Variants in PSD3 observed in about 807,000 individuals in gnomAD.
PSD3 encodes PH and SEC7 domain-containing protein 3.
PSD3 carries 49 observed loss-of-function variants against 105.5 expected under a neutral mutation model. The observed-to-expected ratio is 0.46, with a 90% CI of 0.37 to 0.59. PSD3 has a LOEUF of 0.59. Ranked by LOEUF, PSD3 falls within the 20% of genes least tolerant of loss-of-function variation. PSD3 has a pLI of 0.00. For missense variants in PSD3, 1,561 were observed against 1,263.8 expected, an observed-to-expected ratio of 1.24 and a Z score of -3.57; for synonymous variants, 557 against 457.8, an observed-to-expected ratio of 1.22 and a Z score of -2.77.
chr8:18,821,225 A>T (rs1001522834), intron 4 of PSD3, among the ~76,000 whole-genome samples: 3 of 151,890 alleles, frequency 2.0e-5, no homozygotes, highest in African/African-American at 7.3e-5. Flanking sequence ...CAATTCCTCA[A>T]ACAAGACCAT....
At chr8:18,856,594 A>C (rs896220151) in intron 4 of PSD3, among the ~76,000 whole-genome samples, 2 of 152,212 alleles carry the variant, frequency 1.3e-5, no homozygotes, top group Non-Finnish European at 2.9e-5. Flanking sequence ...TATTTTCTCT[A>C]TACTAAAGAC....
At chr8:18,967,175 G>A (rs910471320) in intron 1 of PSD3, among the ~76,000 whole-genome samples, 5 of 144,974 alleles carry the variant, frequency 3.4e-5, no homozygotes, top group Non-Finnish European at 7.5e-5. Context: ...TTTTTTTTGA[G>A]ACGGAGTTTC....
intron 1 of PSD3, among the ~76,000 whole-genome samples, chr8:19,036,305 G>A (rs1481963730): frequency 2.0e-5 from 3 of 152,026 alleles, no homozygotes; most frequent in East Asian, 1.9e-4. Context: ...AAAAACAGCT[G>A]CTTACCAGGA....
intron 9 of PSD3, among the ~76,000 whole-genome samples, chr8:18,760,179 A>G (rs1806402378): frequency 1.3e-5 from 2 of 152,124 alleles, no homozygotes; most frequent in Non-Finnish European, 2.9e-5. Context: ...TGCACAATGC[A>G]GTATTTTGAG....
intron 6 of PSD3, among the ~76,000 whole-genome samples, chr8:18,803,767 G>A (rs961447722): frequency 6.6e-6 from 1 of 151,400 alleles, no homozygotes; most frequent in Non-Finnish European, 1.5e-5. Context: ...GCCAGGGGCT[G>A]GGGGAAAGGA....
intron 4 of PSD3, among the ~76,000 whole-genome samples, chr8:18,837,440 G>A (rs1005499369): frequency 6.6e-6 from 1 of 152,172 alleles, no homozygotes; most frequent in Non-Finnish European, 1.5e-5. Flanking sequence ...CCAAGCTCAA[G>A]AGGAGTAGGA....
chr8:18,656,584 TA>T (rs1016187321), intron 9 of PSD3, among the ~76,000 whole-genome samples: 5 of 152,260 alleles, frequency 3.3e-5, no homozygotes, highest in African/African-American at 1.2e-4. Context: ...GCAGATTGGA[TA>T]AAAAACTTCT....
At chr8:18,930,040 C>T (rs1461735045) in intron 2 of PSD3, among the ~76,000 whole-genome samples, 1 of 152,114 alleles carries the variant, frequency 6.6e-6, no homozygotes, top group Non-Finnish European at 1.5e-5. Flanking sequence ...AGAACCAACA[C>T]CTATCTAATA....
chr8:18,979,919 G>A (rs1219940934), intron 1 of PSD3: 2 of 152,124 alleles, frequency 1.3e-5, no homozygotes, highest in African/African-American at 2.4e-5. Context: ...TTGAAAGGTG[G>A]AACAGTATCC....
intron 4 of PSD3, among the ~76,000 whole-genome samples, chr8:18,842,276 C>T (rs1248948714): frequency 1.3e-5 from 2 of 152,212 alleles, no homozygotes; most frequent in Non-Finnish European, 2.9e-5. Context: ...CTGAAGACTG[C>T]ACAGTTCCAA....
At chr8:19,070,629 G>C (rs1469624069) in intron 1 of PSD3, among the ~76,000 whole-genome samples, 1 of 152,170 alleles carries the variant, frequency 6.6e-6, no homozygotes, top group Non-Finnish European at 1.5e-5. Flanking sequence ...AGTGAGCTGA[G>C]ATCGTGCCAC....
intron 12 of PSD3, among the ~76,000 whole-genome samples, chr8:18,588,914 AC>A (rs1401625464): frequency 5.3e-5 from 8 of 152,090 alleles, no homozygotes; most frequent in Non-Finnish European, 1.2e-4. Context: ...TCCCAGGCCC[AC>A]CCTGAGATGG....
intron 9 of PSD3, among the ~76,000 whole-genome samples, chr8:18,694,992 G>A (rs564757870): frequency 3.2e-4 from 49 of 152,182 alleles, no homozygotes; most frequent in South Asian, 1.0e-3. Context: ...ACAATAAATG[G>A]ATAGGAAAAA....
chr8:19,004,067 A>G (rs531389801), intron 1 of PSD3, among the ~76,000 whole-genome samples: 1 of 152,076 alleles, frequency 6.6e-6, no homozygotes, highest in South Asian at 2.1e-4. Flanking sequence ...TTCTTGACAG[A>G]CAAGTTTGGG....
At chr8:18,698,814 G>T (rs1801409027) in intron 9 of PSD3, among the ~76,000 whole-genome samples, 1 of 152,188 alleles carries the variant, frequency 6.6e-6, no homozygotes, top group African/African-American at 2.4e-5. Context: ...TTAGGATTAA[G>T]GAGTTCTGTG....
At chr8:18,878,002 C>T (rs1404569286) in intron 2 of PSD3, among the ~76,000 whole-genome samples, 4 of 152,142 alleles carry the variant, frequency 2.6e-5, no homozygotes, top group Admixed American at 2.0e-4. Context: ...AGAATCAACT[C>T]GTCAGAAAGC....
intron 12 of PSD3, among the ~76,000 whole-genome samples, chr8:18,587,840 T>A (rs1299547911): frequency 6.6e-6 from 1 of 152,190 alleles, no homozygotes; most frequent in African/African-American, 2.4e-5. Context: ...ATAAATAGCT[T>A]TGGGAGGATA....
In PSD3 at chr8:18,801,323, A is replaced by G; in HGVS notation, c.1970T>C (p.Ile657Thr). 4 of 1,608,682 alleles carry G rather than the reference A, an allele frequency of 2.5e-6. No individual in the cohort carries two copies. The highest frequency in any genetic ancestry group is 2.2e-5 in the South Asian group (2 of 90,696). Reference sequence around the variant, plus strand: ...ATAAAAATATCTATTGGAGAAGTGTATTAAAACTCTCTCTCGTTCTTGAGT... The same window carrying G: ...ATAAAAATATCTATTGGAGAAGTGTGTTAAAACTCTCTCTCGTTCTTGAGT... ...GETQERERVL[I>T]HFSNRYFYCN... The change falls in exon 7 of 16, where the codon ATA (isoleucine) becomes ACA (threonine). Residue 657 changes from isoleucine to threonine, a missense_variant. Physicochemically the swap from Ile to Thr is moderately conservative, Grantham distance 89. Coordinates refer to ENST00000327040, the MANE Select transcript of PSD3 (RefSeq NM_015310.4).
At position 19,019,830 on chromosome 8, in the gene PSD3, G is replaced by C. The variant is rs141771619; in HGVS notation, c.324+64376C>G. ...CTGAGTGTATGCTGGGTGGGTGAGA[G>C]GGATGGGAGACAAGAAGGAAAGAGC... On this transcript the variant is annotated intron_variant, in intron 1 of 1. Coordinates refer to the PSD3 transcript ENST00000521475. Among the ~76,000 whole-genome samples the C allele has an allele frequency of 6.2e-4, 94 of 152,220 alleles. 1 individual carries two copies. Among genetic ancestry groups the C allele is most frequent in the African/African-American group, 2.1e-3 (89 of 41,542 alleles).
Sources: gnomAD v4.1 joint callset for allele counts (sites outside exome capture counted in the v4.1 genomes callset) on GRCh38, gnomAD v4.1.1 for gene constraint, MANE v1.5 for transcripts, NCBI Gene and HGNC (gene_info 2026-07-23, HGNC 2026-07-21) for gene names.